The following KLHDC1 variants were observed in gnomAD, a reference collection of about 807,000 sequenced individuals.
KLHDC1 encodes kelch domain containing 1, also known as kelch domain-containing protein 1.
A neutral mutation model predicts 68.3 loss-of-function variants in KLHDC1; 53 were observed. The ratio of observed to expected loss-of-function variants is 0.78; its 90% confidence interval spans 0.62 to 0.98. KLHDC1 has a LOEUF of 0.98. Among genes scored for constraint, KLHDC1 ranks in the 50% least tolerant of loss-of-function variants. KLHDC1 has a pLI of 0.00. For synonymous variants in KLHDC1, 148 were observed against 159.0 expected (o/e 0.93, Z 0.52); for missense variants, 470 against 492.3 (o/e 0.95, Z 0.43).
chr14:49,729,165 A>G (rs142772859), intron 7 of KLHDC1, among the ~76,000 whole-genome samples, 156 bp downstream of exon 7: 43 of 152,358 alleles, frequency 2.8e-4, no homozygotes, highest in African/African-American at 5.5e-4. Context: ...TAAACAGACC[A>G]TACATGAACA....
intron 4 of KLHDC1, 42 bp downstream of exon 4, chr14:49,710,423 CAA>C (rs766733345): frequency 9.9e-7 from 1 of 1,006,424 alleles, no homozygotes; most frequent in South Asian, 1.4e-5. Context: ...TCTACCTAAG[CAA>C]AGATAATAGC....
intron 1 of KLHDC1, among the ~76,000 whole-genome samples, chr14:49,703,847 A>G (rs1478651979): frequency 6.6e-6 from 1 of 152,178 alleles, no homozygotes; most frequent in African/African-American, 2.4e-5. Flanking sequence ...GTTTACTGCA[A>G]TTTATCCATT....
At chr14:49,745,660 G>A (rs1165967233) in intron 12 of KLHDC1, among the ~76,000 whole-genome samples, 1 of 152,192 alleles carries the variant, frequency 6.6e-6, no homozygotes, top group Non-Finnish European at 1.5e-5. Context: ...TTTGAGCTAA[G>A]AATTTGCCAT....
chr14:49,717,793 T>G (rs1169314434), intron 4 of KLHDC1, among the ~76,000 whole-genome samples: 1 of 152,180 alleles, frequency 6.6e-6, no homozygotes, highest in Admixed American at 6.6e-5. Flanking sequence ...ATTCTTGGGC[T>G]TTTCTTTCTT....
chr14:49,712,719 A>G lies in KLHDC1; in HGVS notation c.404+2338A>G, dbSNP rs375317345. 1.8e-4 allele frequency among the ~76,000 whole-genome samples: 28 copies of G among 151,846 alleles called. No individual in the cohort carries two copies. In the South Asian group the frequency reaches 4.4e-3, roughly 24 times the overall value. ...GAGGTTTCACTATATTGGCCAGGCTAGTCTCAAACTTTTGATCTCGTGATC... is the reference window on the plus strand; with the variant it reads ...GAGGTTTCACTATATTGGCCAGGCTGGTCTCAAACTTTTGATCTCGTGATC... On this transcript the variant is annotated intron_variant, in intron 4 of 12. Transcript: ENST00000359332.
intron 1 of KLHDC1, 85 bp from the exon 2 acceptor site, chr14:49,709,074 T>C (rs11157703): frequency 0.98 from 616,136 of 626,956 alleles, 303,606 homozygotes; most frequent in East Asian, 1. Context: ...TAGTATTTTA[T>C]TAGCAATTTT....
rs750721789 is a variant in KLHDC1, at chr14:49,709,787, C to A, written c.246C>A (p.Tyr82Ter). 1 of 1,601,594 alleles carries A rather than the reference C, an allele frequency of 6.2e-7. No homozygotes were observed. The highest frequency in any genetic ancestry group is 8.5e-7 in the Non-Finnish European group (1 of 1,174,538). Residue 82 changes from tyrosine (Y) to a stop codon, truncating the protein, a stop_gained, in exon 3 of 13, where the codon TAC becomes TAA. Coordinates refer to ENST00000359332, the MANE Select transcript of KLHDC1 (RefSeq NM_172193.3). LOFTEE classifies it high-confidence loss of function. Reference protein sequence around the residue: ...SCGACINGKLYIFGGYDDKGY... With the variant: ...SCGACINGKL ...GTGCTTGCATTAATGGAAAGCTGTA[C>A]ATTTTTGGAGGATATGATGACAAAG...
intron 10 of KLHDC1, among the ~76,000 whole-genome samples, chr14:49,736,823 CA>C (rs1290691668): frequency 6.6e-6 from 1 of 152,192 alleles, no homozygotes; most frequent in Admixed American, 6.5e-5. Flanking sequence ...CAACTTATGA[CA>C]ACTAAAAATA....
chr14:49,716,879 C>T (rs547115377), intron 4 of KLHDC1, among the ~76,000 whole-genome samples: 74 of 152,296 alleles, frequency 4.9e-4, no homozygotes, highest in African/African-American at 1.6e-3. Context: ...CCCATTCTCC[C>T]TTCTTTCCAA....
intron 4 of KLHDC1, among the ~76,000 whole-genome samples, chr14:49,720,091 A>G (rs1030318884): frequency 6.6e-6 from 1 of 151,664 alleles, no homozygotes; most frequent in Non-Finnish European, 1.5e-5. Flanking sequence ...GGTTCAAGCA[A>G]TTCTCCTGCC....
chr14:49,702,844 C>T (rs1032080884), intron 1 of KLHDC1, among the ~76,000 whole-genome samples: 5 of 152,168 alleles, frequency 3.3e-5, no homozygotes, highest in Non-Finnish European at 7.3e-5. Flanking sequence ...AAAACCACGA[C>T]CTCTAGAAGA....
At chr14:49,713,850 A>ATTTTTT (rs869250721) in intron 4 of KLHDC1, among the ~76,000 whole-genome samples, 1 of 50,230 alleles carries the variant, frequency 2.0e-5, no homozygotes, top group African/African-American at 8.7e-5. Flanking sequence ...ATATATATAT[A>ATTTTTT]TTTTTTTTTT....
At chr14:49,713,831 TATATATATATA>T (rs1220032006) in intron 4 of KLHDC1, among the ~76,000 whole-genome samples, 865 of 13,728 alleles carry the variant, frequency 0.063, 179 homozygotes, top group Non-Finnish European at 0.08. Flanking sequence ...TATATATATA[TATATATATATA>T]TATATATATT....
chr14:49,702,820 G>C (rs1594649155), intron 1 of KLHDC1, among the ~76,000 whole-genome samples: 1 of 152,136 alleles, frequency 6.6e-6, no homozygotes, highest in Non-Finnish European at 1.5e-5. Context: ...TTGGACTTCG[G>C]AATAAAGATA....
chr14:49,716,546 G>T (rs868623817), intron 4 of KLHDC1, among the ~76,000 whole-genome samples: 1 of 151,988 alleles, frequency 6.6e-6, no homozygotes, highest in African/African-American at 2.4e-5. Context: ...ACCATGCCCA[G>T]ATAATTTTTG....
At chr14:49,693,379 C>G in intron 1 of KLHDC1, 89 bp downstream of exon 1, 6 of 1,014,846 alleles carry the variant, frequency 5.9e-6, no homozygotes, top group Non-Finnish European at 8.0e-6. Flanking sequence ...GCTCCCGAGG[C>G]TGCGGCCCAG....
intron 8 of KLHDC1, among the ~76,000 whole-genome samples, chr14:49,729,950 A>G (rs1262469272): frequency 6.6e-6 from 1 of 152,212 alleles, no homozygotes; most frequent in Non-Finnish European, 1.5e-5. Context: ...GTATAATGAG[A>G]TGGAATCAGA....
chr14:49,699,414 T>C (rs1370434570), intron 1 of KLHDC1, among the ~76,000 whole-genome samples: 2 of 147,322 alleles, frequency 1.4e-5, no homozygotes, highest in African/African-American at 2.5e-5. Context: ...ATGGGTAGTA[T>C]AGGCTTTAAA....
At chr14:49,750,833 C>T (rs113056676) in intron 12 of KLHDC1, among the ~76,000 whole-genome samples, 9 of 152,146 alleles carry the variant, frequency 5.9e-5, no homozygotes, top group South Asian at 2.1e-4. Context: ...TGAACACCCA[C>T]GCCCCCAGAA....
Sources: gnomAD v4.1 joint callset for allele counts (sites outside exome capture counted in the v4.1 genomes callset) on GRCh38, gnomAD v4.1.1 for gene constraint, MANE v1.5 for transcripts, NCBI Gene and HGNC (gene_info 2026-07-23, HGNC 2026-07-21) for gene names.